NUP205: variants seen among roughly 807,000 people sequenced by gnomAD.
The protein encoded by NUP205 is nucleoporin 205.
Under a neutral mutation model 253.8 loss-of-function variants are expected in NUP205, and 76 were observed. The observed-to-expected ratio is 0.30, with a 90% CI of 0.25 to 0.36. NUP205 has a LOEUF of 0.36. Ranked by LOEUF, NUP205 falls within the 10% of genes least tolerant of loss-of-function variation. The probability of loss-of-function intolerance (pLI) is 1.00; values close to 1 mark genes in which losing one functional copy is unlikely to be tolerated. For synonymous variants in NUP205, 832 were observed against 850.1 expected (o/e 0.98, Z 0.37); for missense variants, 2,162 against 2,425.5 (o/e 0.89, Z 2.28).
rs560100097 is a variant in NUP205 at position 135,633,682 on chromosome 7, A to G, written c.5060-1899A>G. Among the ~76,000 whole-genome samples, 6 of 152,094 alleles carry G rather than the reference A, an allele frequency of 3.9e-5. No individual in the cohort carries two copies. In the East Asian group the frequency reaches 5.8e-4, roughly 15 times the overall value. ...GGTCTCAAACTTCTGGCCTCAAGCA[A>G]TCCTCCCACTTCAACTTTCCAAAGT... On this transcript the variant is annotated intron_variant, in intron 35 of 42. Coordinates refer to ENST00000285968, the MANE Select transcript of NUP205 (RefSeq NM_015135.3).
Position 135,626,356 on chromosome 7 carries a change from G to T in NUP205, c.4788G>T (p.Pro1596=), listed in dbSNP as rs766522861. The change falls in exon 33 of 43, where the codon CCG becomes CCT. Residue 1596 remains proline, a synonymous_variant. Transcript: ENST00000285968. ...ATGACATGCGCCCAGAAACGGACCCGCAGAGGTAAGTGTCTGTATAGATTA... is the reference window on the plus strand; with the variant it reads ...ATGACATGCGCCCAGAAACGGACCCTCAGAGGTAAGTGTCTGTATAGATTA... ...QVYDMRPETD[P]QSMFGMRDPP... 1.2e-6 allele frequency: 2 copies of T among 1,613,924 alleles called. No homozygotes were observed. Among genetic ancestry groups the T allele is most frequent in the Admixed American group, 1.7e-5 (1 of 59,996 alleles).
At position 135,587,837 on chromosome 7, in the gene NUP205, T is replaced by C. The variant is rs1424877420; in HGVS notation, c.1336-18T>C. ...CAGTCATAGACATTTCCCTACAGTCTTTGCTTACTCTTTGCAGATTGGCGA... is the reference window on the plus strand; with the variant it reads ...CAGTCATAGACATTTCCCTACAGTCCTTGCTTACTCTTTGCAGATTGGCGA... On this transcript the variant is annotated intron_variant, in intron 9 of 42. Coordinates refer to ENST00000285968, the MANE Select transcript of NUP205 (RefSeq NM_015135.3). The C allele has an allele frequency of 6.2e-7, 1 of 1,603,078 alleles. No homozygotes were observed. The highest frequency in any genetic ancestry group is 2.2e-5 in the East Asian group (1 of 44,744).
intron 15 of NUP205, 55 bp from the exon 16 acceptor site, chr7:135,600,815 A>G: frequency 4.9e-6 from 5 of 1,018,558 alleles, no homozygotes; most frequent in South Asian, 1.7e-5. Context: ...AAGCCTTGCA[A>G]GGCCACCACC....
chr7:135,628,086 C>G lies in NUP205; in HGVS notation c.4907C>G (p.Ala1636Gly). The change falls in exon 34 of 43, where the codon GCC (alanine) becomes GGC (glycine). Residue 1636 changes from alanine to glycine, a missense_variant. By Grantham distance (60) the Ala-to-Gly change is moderately conservative (BLOSUM62 0). Around this residue, in one of 5 missense-constraint regions of NUP205, gnomAD observed 1,144 missense variants for 1,280.9 expected, o/e 0.89. Coordinates refer to ENST00000285968, the MANE Select transcript of NUP205 (RefSeq NM_015135.3). Reference sequence around the variant, plus strand: ...CAGGTCATCCTCACATCTAGTATGGCCCAGCACTTGCAGGCAGCAGGGCAG... The same window carrying G: ...CAGGTCATCCTCACATCTAGTATGGGCCAGCACTTGCAGGCAGCAGGGCAG... ...LCQVILTSSMAQHLQAAGQVL... is the reference protein window; with the variant it reads ...LCQVILTSSMGQHLQAAGQVL... 6.2e-7 allele frequency: 1 copy of G among 1,608,446 alleles called. No individual in the cohort carries two copies. The highest frequency in any genetic ancestry group is 8.5e-7 in the Non-Finnish European group (1 of 1,178,208).
rs769238997 is a variant in NUP205 at position 135,618,541 on chromosome 7, C to G, written c.3901C>G (p.Leu1301Val). The change falls in exon 28 of 43, where the codon CTC (leucine) becomes GTC (valine). Residue 1301 changes from leucine to valine, a missense_variant. By Grantham distance (32) the Leu-to-Val change is conservative. Around this residue, in one of 5 missense-constraint regions of NUP205, gnomAD observed 1,144 missense variants for 1,280.9 expected, o/e 0.89. Transcript: ENST00000285968. ...TATACTGACAGCTTGTCCCCAGGAC[C>G]TCATTCAGGCAGAGGATCGACAACT... ...EIILTACPQD[L>V]IQAEDRQLII... 1.2e-6 allele frequency: 2 copies of G among 1,613,552 alleles called. No homozygotes were observed. The highest frequency in any genetic ancestry group is 3.3e-5 in the Admixed American group (2 of 59,940).
intron 7 of NUP205, among the ~76,000 whole-genome samples, chr7:135,583,961 C>T (rs185754024): frequency 6.6e-6 from 1 of 151,694 alleles, no homozygotes; most frequent in Admixed American, 6.6e-5. Flanking sequence ...CCTGCCTCAG[C>T]CTCCCCAGTA....
chr7:135,620,641 C>T (rs996948053), intron 30 of NUP205, among the ~76,000 whole-genome samples: 3 of 152,182 alleles, frequency 2.0e-5, no homozygotes, highest in Admixed American at 2.0e-4. Flanking sequence ...AAAAATGCTA[C>T]ATCAACTTTT....
At chr7:135,626,790 G>A (rs1247222806) in intron 33 of NUP205, among the ~76,000 whole-genome samples, 1 of 152,130 alleles carries the variant, frequency 6.6e-6, no homozygotes, top group African/African-American at 2.4e-5. Context: ...CAAGTTTCAA[G>A]CTTTTCAGCT....
chr7:135,623,964 A>G (rs1044966705), intron 31 of NUP205, among the ~76,000 whole-genome samples: 22 of 151,934 alleles, frequency 1.4e-4, no homozygotes, highest in African/African-American at 5.3e-4. Context: ...TTGTAGTTTT[A>G]GTAGAGACGG....
rs1224985961 is a variant in NUP205, at chr7:135,606,828, C to T, written c.2983C>T (p.Leu995=). Residue 995 remains leucine, a synonymous_variant, in exon 21 of 43, where the codon CTG becomes TTG. Transcript: ENST00000285968. ...CATCTTGAATCTTCTCATTACCTCT[C>T]TGGAATGCAATCCACCCAATCTTGC... ...IHILNLLITS[L]ECNPPNLALY... 2.5e-6 allele frequency: 4 copies of T among 1,613,618 alleles called. No homozygotes were observed. Among genetic ancestry groups the T allele is most frequent in the African/African-American group, 1.3e-5 (1 of 75,036 alleles).
At position 135,576,956 on chromosome 7, in the gene NUP205, CT is replaced by C. The variant is rs768520570; in HGVS notation, c.489-9del. On this transcript the variant is annotated splice_polypyrimidine_tract_variant and intron_variant, in intron 4 of 42. Coordinates refer to ENST00000285968, the MANE Select transcript of NUP205 (RefSeq NM_015135.3). ...ATTGTTTAACGTAGTTTATTGATTTCTTTTCATTACAGTCCAGAGCTGGCTT... is the reference window on the plus strand; with the variant it reads ...ATTGTTTAACGTAGTTTATTGATTTCTTTCATTACAGTCCAGAGCTGGCTT... The C allele has an allele frequency of 2.1e-5, 34 of 1,599,414 alleles. No homozygotes were observed. The East Asian group carries it at 7.4e-4, about 35-fold the overall frequency.
rs200045614 is a variant in NUP205 at position 135,597,379 on chromosome 7, C to G, written c.2025C>G (p.Thr675=). 4.3e-6 allele frequency: 7 copies of G among 1,610,158 alleles called. No individual in the cohort carries two copies. The highest frequency in any genetic ancestry group is 5.9e-6 in the Non-Finnish European group (7 of 1,176,678). Residue 675 remains threonine, a synonymous_variant, in exon 14 of 43, where the codon ACC becomes ACG. Coordinates refer to ENST00000285968, the MANE Select transcript of NUP205 (RefSeq NM_015135.3). ...QSLEYTQILQ[T]VRIPSQRQAI... ...CTTACTATTTTAAGATACTGCAGAC[C>G]GTGAGGATTCCAAGCCAAAGGCAAG...
chr7:135,617,781 G>GT (rs1227029078), intron 27 of NUP205, 99 bp downstream of exon 27: 1 of 604,364 alleles, frequency 1.7e-6, no homozygotes, highest in African/African-American at 1.9e-5. Flanking sequence ...TTGCTAATTA[G>GT]TAAGCTGCCT....
chr7:135,614,062 GT>G, intron 22 of NUP205, 96 bp from the exon 23 acceptor site: 3 of 649,356 alleles, frequency 4.6e-6, no homozygotes, highest in Non-Finnish European at 8.1e-6. Flanking sequence ...ATGGGTCCTA[GT>G]TTTTCACTTA....
intron 7 of NUP205, 88 bp downstream of exon 7, chr7:135,579,003 A>G: frequency 3.2e-6 from 3 of 943,786 alleles, no homozygotes; most frequent in Non-Finnish European, 4.7e-6. Context: ...TTTGACATAC[A>G]TAAGCATAAG....
intron 21 of NUP205, 91 bp downstream of exon 21, chr7:135,607,006 A>G (rs1794100680): frequency 7.4e-6 from 10 of 1,347,330 alleles, no homozygotes; most frequent in Non-Finnish European, 1.0e-5. Context: ...GGGATAATTC[A>G]TTGAAAGAAA....
intron 13 of NUP205, among the ~76,000 whole-genome samples, chr7:135,596,862 C>G (rs1793848614): frequency 6.7e-6 from 1 of 149,798 alleles, no homozygotes; most frequent in Non-Finnish European, 1.5e-5. Context: ...GAGGCTGAGG[C>G]AGGAGAATTG....
intron 31 of NUP205, among the ~76,000 whole-genome samples, chr7:135,624,537 A>G (rs1263051976): frequency 6.6e-6 from 1 of 151,950 alleles, no homozygotes; most frequent in Admixed American, 6.6e-5. Flanking sequence ...CACCACGCCC[A>G]GCTAATTTTT....
intron 7 of NUP205, among the ~76,000 whole-genome samples, chr7:135,583,215 A>T (rs566412943): frequency 1.3e-5 from 2 of 152,314 alleles, no homozygotes; most frequent in Admixed American, 1.3e-4. Context: ...TACTTACGGT[A>T]ACAGACTATG....
Sources: allele counts gnomAD v4.1 joint callset (sites outside exome capture counted in the v4.1 genomes callset), GRCh38; gene constraint gnomAD v4.1.1; regional missense constraint gnomAD v4.1.1; transcripts MANE v1.5; gene names NCBI Gene and HGNC (gene_info 2026-07-23, HGNC 2026-07-21).